The following SPOCK1 variants were observed in gnomAD, a reference collection of about 807,000 sequenced individuals.
SPOCK1 encodes testican-1.
In SPOCK1, 23 loss-of-function variants were observed where a neutral mutation model predicts 55.3. The observed-to-expected ratio is 0.42, with a 90% CI of 0.30 to 0.59. The LOEUF (loss-of-function observed/expected upper bound fraction) is 0.59. Ranked by LOEUF, SPOCK1 falls within the 20% of genes least tolerant of loss-of-function variation. The pLI is 0.22. For synonymous variants in SPOCK1, 226 were observed against 221.0 expected (o/e 1.02, Z -0.20); for missense variants, 499 against 552.5 (o/e 0.90, Z 0.97).
chr5:137,186,443 A>G (rs1208353918), intron 3 of SPOCK1, among the ~76,000 whole-genome samples: 2 of 152,168 alleles, frequency 1.3e-5, no homozygotes, highest in African/African-American at 4.8e-5. Context: ...TGTCACCAGC[A>G]TTGTCTTGGA....
intron 6 of SPOCK1, among the ~76,000 whole-genome samples, chr5:137,022,914 G>A (rs1257911200): frequency 1.3e-5 from 2 of 152,182 alleles, no homozygotes; most frequent in Admixed American, 6.5e-5. Flanking sequence ...CAGCTCACAC[G>A]AGGGACCAGT....
At chr5:137,145,050 G>A (rs979361155) in intron 3 of SPOCK1, among the ~76,000 whole-genome samples, 15 of 152,088 alleles carry the variant, frequency 9.9e-5, no homozygotes, top group Middle Eastern at 3.4e-3. Context: ...CAGAGCAGGC[G>A]CCCACCAAAG....
intron 3 of SPOCK1, among the ~76,000 whole-genome samples, chr5:137,157,968 C>T (rs13359239): frequency 0.22 from 34,017 of 151,970 alleles, 4,332 homozygotes; most frequent in Non-Finnish European, 0.28. Flanking sequence ...AGGCTGAGGC[C>T]GGAGAATCAC....
intron 2 of SPOCK1, among the ~76,000 whole-genome samples, chr5:137,352,470 T>A (rs1750701784): frequency 6.6e-6 from 1 of 152,216 alleles, no homozygotes. Flanking sequence ...GCTAAAGAAT[T>A]TTCTATCTTT....
intron 2 of SPOCK1, among the ~76,000 whole-genome samples, chr5:137,327,145 T>C (rs997151266): frequency 2.0e-5 from 3 of 152,190 alleles, no homozygotes; most frequent in Non-Finnish European, 4.4e-5. Flanking sequence ...TGATTTCCTG[T>C]CCCACCTCTA....
chr5:137,346,339 C>T (rs921938253), intron 2 of SPOCK1, among the ~76,000 whole-genome samples: 21 of 152,186 alleles, frequency 1.4e-4, no homozygotes, highest in African/African-American at 5.1e-4. Context: ...ACCCCTCCTC[C>T]ACCCATCCTT....
At chr5:137,130,560 T>C (rs1202675746) in intron 4 of SPOCK1, among the ~76,000 whole-genome samples, 2 of 152,262 alleles carry the variant, frequency 1.3e-5, no homozygotes, top group Non-Finnish European at 1.5e-5. Flanking sequence ...TATTCAGAGA[T>C]GGCCTCCCTG....
chr5:137,229,910 A>T (rs748008383), intron 3 of SPOCK1, among the ~76,000 whole-genome samples: 2 of 152,182 alleles, frequency 1.3e-5, no homozygotes, highest in African/African-American at 2.4e-5. Flanking sequence ...GAGCTCAGGC[A>T]GTAAGGCTCA....
chr5:137,412,000 G>C lies in SPOCK1; in HGVS notation c.186+86373C>G, dbSNP rs190706146. On this transcript the variant is annotated intron_variant, in intron 2 of 10. Coordinates refer to ENST00000394945, the MANE Select transcript of SPOCK1 (RefSeq NM_004598.4). ...AAGGCGAAAGAAGAATGAGGGGAGA[G>C]AGACACTCTAGGACTCTGATGCAGA... Among the ~76,000 whole-genome samples the C allele has an allele frequency of 1.6e-3, 250 of 152,320 alleles. 1 individual carries two copies. The highest frequency in any genetic ancestry group is 3.1e-3 in the Admixed American group (48 of 15,300).
intron 4 of SPOCK1, among the ~76,000 whole-genome samples, chr5:137,130,172 C>A (rs1753847763): frequency 6.6e-6 from 1 of 152,198 alleles, no homozygotes; most frequent in Non-Finnish European, 1.5e-5. Context: ...TTGCCCCCTG[C>A]AAAGGCCTTC....
chr5:137,427,523 G>T (rs1259730970), intron 2 of SPOCK1, among the ~76,000 whole-genome samples: 1 of 152,178 alleles, frequency 6.6e-6, no homozygotes, highest in East Asian at 1.9e-4. Flanking sequence ...CCCCCATGGA[G>T]TAAGATGCCT....
chr5:137,398,441 G>A (rs1019588267), intron 2 of SPOCK1, among the ~76,000 whole-genome samples: 2 of 152,100 alleles, frequency 1.3e-5, no homozygotes, highest in African/African-American at 4.8e-5. Context: ...CAATGTATCT[G>A]GCCTTGGATC....
intron 2 of SPOCK1, among the ~76,000 whole-genome samples, chr5:137,303,321 T>G (rs1757640085): frequency 6.6e-6 from 1 of 152,050 alleles, no homozygotes; most frequent in African/African-American, 2.4e-5. Flanking sequence ...GGGTTCCCAC[T>G]GTTCAAGCAC....
At chr5:137,453,807 C>G (rs1010956016) in intron 2 of SPOCK1, among the ~76,000 whole-genome samples, 1 of 152,072 alleles carries the variant, frequency 6.6e-6, no homozygotes, top group Non-Finnish European at 1.5e-5. Flanking sequence ...TTTCTTATTG[C>G]CCTGTTCTGT....
chr5:137,473,987 G>A (rs1753786924), intron 2 of SPOCK1, among the ~76,000 whole-genome samples: 1 of 152,202 alleles, frequency 6.6e-6, no homozygotes, highest in Non-Finnish European at 1.5e-5. Context: ...AAGTGGCTCA[G>A]GAATGGAAAA....
intron 2 of SPOCK1, among the ~76,000 whole-genome samples, chr5:137,395,886 T>C (rs1751836615): frequency 6.6e-6 from 1 of 152,154 alleles, no homozygotes; most frequent in Admixed American, 6.5e-5. Flanking sequence ...CTAACCAAGG[T>C]CATTCACTTA....
chr5:137,091,417 G>T (rs964649860), intron 5 of SPOCK1, among the ~76,000 whole-genome samples: 2 of 152,206 alleles, frequency 1.3e-5, no homozygotes, highest in Non-Finnish European at 2.9e-5. Context: ...CCTTCATCAT[G>T]ATATCAATGC....
At chr5:137,230,354 G>A (rs1362732473) in intron 3 of SPOCK1, among the ~76,000 whole-genome samples, 2 of 152,148 alleles carry the variant, frequency 1.3e-5, no homozygotes, top group African/African-American at 4.8e-5. Flanking sequence ...TCAGCTTCCT[G>A]CAAAATGAAT....
chr5:137,152,973 C>G (rs996581551), intron 3 of SPOCK1, among the ~76,000 whole-genome samples: 1 of 152,212 alleles, frequency 6.6e-6, no homozygotes, highest in Non-Finnish European at 1.5e-5. Context: ...TGGGATGTAA[C>G]TGTAAGTCTG....
Sources: gnomAD v4.1 joint callset for allele counts (sites outside exome capture counted in the v4.1 genomes callset) on GRCh38, gnomAD v4.1.1 for gene constraint, MANE v1.5 for transcripts, NCBI Gene and HGNC (gene_info 2026-07-23, HGNC 2026-07-21) for gene names.